The following ARL6IP5 variants were observed in gnomAD, a reference collection of about 807,000 sequenced individuals.
ARL6IP5 encodes the protein PRA1 family protein 3.
Under a neutral mutation model 13.0 loss-of-function variants are expected in ARL6IP5, and 6 were observed. The ratio of observed to expected loss-of-function variants is 0.46; its 90% confidence interval spans 0.25 to 0.91. The LOEUF is 0.91. Ranked by LOEUF, ARL6IP5 falls within the 40% of genes least tolerant of loss-of-function variation. The pLI is 0.17. For synonymous variants in ARL6IP5, 91 were observed against 91.9 expected (o/e 0.99, Z 0.06); for missense variants, 208 against 248.8 (o/e 0.84, Z 1.10).
At chr3:69,087,664 G>A (rs947084115) in intron 1 of ARL6IP5, among the ~76,000 whole-genome samples, 3 of 152,172 alleles carry the variant, frequency 2.0e-5, no homozygotes, top group Admixed American at 2.0e-4. Context: ...GTTTAGGGGT[G>A]TTGGCCCTCC....
chr3:69,087,351 C>T (rs891473664), intron 1 of ARL6IP5, among the ~76,000 whole-genome samples: 1 of 152,106 alleles, frequency 6.6e-6, no homozygotes, highest in African/African-American at 2.4e-5. Flanking sequence ...AATAGGTTTG[C>T]ATCAATTTTT....
In ARL6IP5 at chr3:69,105,272, C is replaced by T. The variant is rs1469425993; in HGVS notation, c.*636C>T. 1.1e-5 allele frequency: 2 copies of T among 181,278 alleles called. No homozygotes were observed. Among genetic ancestry groups the T allele is most frequent in the South Asian group, 1.2e-4 (1 of 8,254 alleles). The allele number at this position is 181,278 out of a possible 1,614,324, so 11.2% of individuals were successfully genotyped here. ...TTGAAATGCTAGTAATGTGTTTTCACCAGCAAGTATTTGTTGCAAACTTAA... is the reference window on the plus strand; with the variant it reads ...TTGAAATGCTAGTAATGTGTTTTCATCAGCAAGTATTTGTTGCAAACTTAA... On this transcript the variant is annotated 3_prime_UTR_variant, in exon 3 of 3. Coordinates refer to ENST00000273258, the MANE Select transcript of ARL6IP5 (RefSeq NM_006407.4).
intron 1 of ARL6IP5, among the ~76,000 whole-genome samples, chr3:69,085,596 A>C (rs2092245329): frequency 6.6e-6 from 1 of 152,122 alleles, no homozygotes; most frequent in Non-Finnish European, 1.5e-5. Flanking sequence ...AGAAAAAGGA[A>C]AGTGGTGTAA....
At position 69,104,691 on chromosome 3, in the gene ARL6IP5, G is replaced by T. The variant is rs1363714224; in HGVS notation, c.*55G>T. The stretch of plus-strand genomic sequence containing the variant: ...AGAAATTGAGTTGCAGCTTGCCCTT[G>T]TCCAGACCTATGTTCTGCTTGCGTT... On this transcript the variant is annotated 3_prime_UTR_variant, in exon 3 of 3. Transcript: ENST00000273258. 6.3e-7 allele frequency: 1 copy of T among 1,589,438 alleles called. No homozygotes were observed. The highest frequency in any genetic ancestry group is 1.3e-5 in the African/African-American group (1 of 74,170).
chr3:69,088,634 A>C (rs2092255282), intron 1 of ARL6IP5, among the ~76,000 whole-genome samples: 1 of 152,248 alleles, frequency 6.6e-6, no homozygotes, highest in South Asian at 2.1e-4. Context: ...TAAACTTCTG[A>C]TCAGAAGAGA....
intron 1 of ARL6IP5, among the ~76,000 whole-genome samples, chr3:69,092,292 G>T (rs1476738120): frequency 6.6e-6 from 1 of 152,174 alleles, no homozygotes; most frequent in Non-Finnish European, 1.5e-5. Context: ...TCTCATTGGT[G>T]CAGCTTCTCC....
rs1400346208 is a variant in ARL6IP5, at chr3:69,101,856, A to C, written c.194A>C (p.Asn65Thr). Residue 65 changes from asparagine to threonine, a missense_variant, in exon 2 of 3, where the codon AAC becomes ACC. Coordinates refer to ENST00000273258, the MANE Select transcript of ARL6IP5 (RefSeq NM_006407.4). The stretch of plus-strand genomic sequence containing the variant: ...TATTTCAGGTTTCTGAGTCCCTTCA[A>C]CATGATCCTGGGAGGAATCGTGGTG... ...ISIVGFLSPFNMILGGIVVVL... is the reference protein window; with the variant it reads ...ISIVGFLSPFTMILGGIVVVL... The C allele has an allele frequency of 6.2e-7, 1 of 1,613,466 alleles. No homozygotes were observed. The highest frequency in any genetic ancestry group is 8.5e-7 in the Non-Finnish European group (1 of 1,179,806).
rs1344624552 is a variant in ARL6IP5 at position 69,105,858 on chromosome 3, GACAACTGGAGTGGT to G, written c.*1225_*1238del. ...GGTTTCTGTAGCATTAAATTGTGAAGACAACTGGAGTGGTACTTACTGAAGAAACTCTCTGTATG... is the reference window on the plus strand; with the variant it reads ...GGTTTCTGTAGCATTAAATTGTGAAGACTTACTGAAGAAACTCTCTGTATG... On this transcript the variant is annotated 3_prime_UTR_variant, in exon 3 of 3. Coordinates refer to ENST00000273258, the MANE Select transcript of ARL6IP5 (RefSeq NM_006407.4). The G allele has an allele frequency of 6.6e-6, 1 of 152,168 alleles. No individual in the cohort carries two copies. 9.4% of individuals were successfully genotyped at this position (152,168 alleles called of 1,614,324 possible). A position where few individuals can be genotyped will look rare whatever the true frequency, so the allele number is the denominator to read the frequency against.
rs2092318577 is a variant in ARL6IP5 at position 69,105,095 on chromosome 3, GT to G, written c.*464del. The G allele has an allele frequency of 2.0e-6, 1 of 497,396 alleles. No individual in the cohort carries two copies. The highest frequency in any genetic ancestry group is 2.0e-5 in the African/African-American group (1 of 50,524). 30.8% of individuals were successfully genotyped at this position (497,396 alleles called of 1,614,324 possible). A position where few individuals can be genotyped will look rare whatever the true frequency, so the allele number is the denominator to read the frequency against. ...ATTGTAATGTGTGGGATATAAATTA[GT>G]TTTTATTATTCTCTTAAAAATCAAA... On this transcript the variant is annotated 3_prime_UTR_variant, in exon 3 of 3. Coordinates refer to ENST00000273258, the MANE Select transcript of ARL6IP5 (RefSeq NM_006407.4).
At chr3:69,099,381 CA>C (rs1386420790) in intron 1 of ARL6IP5, among the ~76,000 whole-genome samples, 6 of 151,090 alleles carry the variant, frequency 4.0e-5, no homozygotes, top group African/African-American at 9.7e-5. Flanking sequence ...AAAAAACAAA[CA>C]AAAAAAAATT....
chr3:69,098,922 T>C (rs2092295735), intron 1 of ARL6IP5, among the ~76,000 whole-genome samples: 2 of 152,114 alleles, frequency 1.3e-5, no homozygotes, highest in South Asian at 4.1e-4. Context: ...CTAATATCAA[T>C]ACTGTTACAA....
chr3:69,094,217 G>A (rs1265200581), intron 1 of ARL6IP5, among the ~76,000 whole-genome samples: 1 of 152,120 alleles, frequency 6.6e-6, no homozygotes, highest in Non-Finnish European at 1.5e-5. Context: ...GTTCCCTCAT[G>A]CTAATTACTA....
intron 1 of ARL6IP5, among the ~76,000 whole-genome samples, chr3:69,095,325 T>G (rs1239055080): frequency 6.6e-6 from 1 of 152,070 alleles, no homozygotes; most frequent in Non-Finnish European, 1.5e-5. Flanking sequence ...AGGGAAAGAT[T>G]TATTAATTAT....
In ARL6IP5 at chr3:69,105,070, A is replaced by G. The variant is rs969245999; in HGVS notation, c.*434A>G. 1.8e-6 allele frequency: 1 copy of G among 565,880 alleles called. No individual in the cohort carries two copies. The highest frequency in any genetic ancestry group is 3.1e-6 in the Non-Finnish European group (1 of 321,732). The allele number at this position is 565,880 out of a possible 1,614,324, so 35.1% of individuals were successfully genotyped here. ...GTTAGCCTGTTCCTAATCCCCTAGA[A>G]TTGTAATGTGTGGGATATAAATTAG... On this transcript the variant is annotated 3_prime_UTR_variant, in exon 3 of 3. Transcript: ENST00000273258.
At chr3:69,099,924 T>C (rs184406204) in intron 1 of ARL6IP5, 8 of 152,918 alleles carry the variant, frequency 5.2e-5, no homozygotes, top group Admixed American at 3.9e-4. Flanking sequence ...TCTAAATTTC[T>C]TCTTCTTATT....
intron 1 of ARL6IP5, among the ~76,000 whole-genome samples, chr3:69,096,723 C>T (rs1490114563): frequency 6.6e-6 from 1 of 151,624 alleles, no homozygotes; most frequent in Non-Finnish European, 1.5e-5. Flanking sequence ...CCTGCCTCAG[C>T]CTCCCAAGTA....
At chr3:69,085,538 C>T (rs1447253650) in intron 1 of ARL6IP5, among the ~76,000 whole-genome samples, 1 of 152,160 alleles carries the variant, frequency 6.6e-6, no homozygotes, top group African/African-American at 2.4e-5. Context: ...CAGGATCGGG[C>T]TCTTGCTGGA....
intron 2 of ARL6IP5, 102 bp downstream of exon 2, chr3:69,102,158 CAA>C (rs1334464738): frequency 1.2e-5 from 16 of 1,281,602 alleles, no homozygotes; most frequent in Admixed American, 2.1e-5. Flanking sequence ...GGCATGTCAG[CAA>C]AAGTGTCAGA....
chr3:69,103,433 T>A (rs1363050953), intron 2 of ARL6IP5, among the ~76,000 whole-genome samples: 1 of 152,182 alleles, frequency 6.6e-6, no homozygotes, highest in Admixed American at 6.5e-5. Flanking sequence ...CCCAAACGGA[T>A]AATTGTGACA....
Sources: gnomAD v4.1 joint callset for allele counts (sites outside exome capture counted in the v4.1 genomes callset) on GRCh38, gnomAD v4.1.1 for gene constraint, MANE v1.5 for transcripts, NCBI Gene and HGNC (gene_info 2026-07-23, HGNC 2026-07-21) for gene names.